Variants in HYDIN observed in about 807,000 individuals in gnomAD.
HYDIN encodes the protein axonemal central pair apparatus protein HYDIN.
Under a neutral mutation model 403.9 loss-of-function variants are expected in HYDIN, and 132 were observed. The observed-to-expected ratio is 0.33, with a 90% CI of 0.28 to 0.38. The LOEUF (loss-of-function observed/expected upper bound fraction) is 0.38, where lower values mean the gene tolerates loss of function less well. HYDIN is among the 10% of genes least tolerant of loss of function. The probability of loss-of-function intolerance (pLI) is 1.00; values close to 1 mark genes in which losing one functional copy is unlikely to be tolerated. For missense variants in HYDIN, 2,827 were observed against 5,009.5 expected, an observed-to-expected ratio of 0.56 and a Z score of 13.15; for synonymous variants, 1,202 against 1,891.7, an observed-to-expected ratio of 0.64 and a Z score of 9.46.
In HYDIN at chr16:71,087,024, A is replaced by G. The variant is rs1240883078; in HGVS notation, c.1670+1277T>C. On this transcript the variant is annotated intron_variant, in intron 12 of 85. Coordinates refer to ENST00000393567, the MANE Select transcript of HYDIN (RefSeq NM_001270974.2). Reference sequence around the variant, plus strand: ...GAGTCAATGTTATTCAAATATTTGGAAAACAACCCTCATTTTTCTCTTATA... The same window carrying G: ...GAGTCAATGTTATTCAAATATTTGGGAAACAACCCTCATTTTTCTCTTATA... 2.6e-5 allele frequency among the ~76,000 whole-genome samples: 4 copies of G among 151,350 alleles called. No individual in the cohort carries two copies. In the East Asian group the frequency reaches 5.8e-4, roughly 22 times the overall value.
intron 23 of HYDIN, among the ~76,000 whole-genome samples, chr16:71,004,052 C>T (rs772191497): frequency 2.7e-5 from 4 of 150,152 alleles, no homozygotes; most frequent in East Asian, 2.0e-4. Context: ...CGGTGACTCA[C>T]GCCTGTAATC....
At position 71,069,343 on chromosome 16, in the gene HYDIN, G is replaced by A. The variant is rs2082381053; in HGVS notation, c.1898C>T (p.Ser633Phe). Residue 633 changes from serine (S) to phenylalanine (F), a missense_variant, in exon 14 of 86, where the codon TCC (serine) becomes TTC (phenylalanine). Physicochemically the swap from Ser to Phe is radical, Grantham distance 155. Transcript: ENST00000393567. ...KRPSWTKEEISSMKPKEFTIS... is the reference protein window; with the variant it reads ...KRPSWTKEEIFSMKPKEFTIS... ...GGTGAATTCTTTTGGTTTCATTGAG[G>A]ATATTTCTTCCTTGGTCCAAGATGG... 1.2e-6 allele frequency: 2 copies of A among 1,614,022 alleles called. No individual in the cohort carries two copies. Among genetic ancestry groups the A allele is most frequent in the Non-Finnish European group, 1.7e-6 (2 of 1,179,992 alleles).
chr16:71,057,812 C>T lies in HYDIN; in HGVS notation c.2529+2692G>A, dbSNP rs200413715. 7.0e-4 allele frequency among the ~76,000 whole-genome samples: 95 copies of T among 136,282 alleles called. 1 individual carries two copies. In the East Asian group the frequency reaches 0.018, roughly 26 times the overall value. 89.4% of individuals were successfully genotyped at this position (136,282 alleles called of 152,430 possible). A position where few individuals can be genotyped will look rare whatever the true frequency, so the allele number is the denominator to read the frequency against. On this transcript the variant is annotated intron_variant, in intron 18 of 85. Coordinates refer to ENST00000393567, the MANE Select transcript of HYDIN (RefSeq NM_001270974.2). ...TGAACAGACACTTCTCAAAAGAAGA[C>T]ATTTATGCAGCCAAAAAACACATGA...
At chr16:71,127,769 G>T (rs1284645894) in intron 9 of HYDIN, among the ~76,000 whole-genome samples, 4 of 152,200 alleles carry the variant, frequency 2.6e-5, no homozygotes, top group Non-Finnish European at 5.9e-5. Flanking sequence ...TAGCACAACT[G>T]ATGGCTCTTC....
chr16:70,933,756 C>G (rs1260151925), intron 45 of HYDIN: 1 of 154,862 alleles, frequency 6.5e-6, no homozygotes, highest in Non-Finnish European at 1.5e-5. Flanking sequence ...TGGTTTAGCT[C>G]TTTTTCATGT....
At chr16:70,872,203 G>A in intron 64 of HYDIN, 24 bp from the exon 65 acceptor site, 1 of 1,199,134 alleles carries the variant, frequency 8.3e-7, no homozygotes, top group Non-Finnish European at 1.2e-6. Flanking sequence ...GCAGAAGGCT[G>A]TGAGTCCTCC....
chr16:70,841,939 T>C (rs1392504411), intron 75 of HYDIN, among the ~76,000 whole-genome samples: 2 of 150,184 alleles, frequency 1.3e-5, no homozygotes, highest in Non-Finnish European at 2.9e-5. Context: ...TGAAGACAGG[T>C]TCCAGTGGTT....
chr16:70,866,416 A>C, intron 66 of HYDIN, 87 bp from the exon 67 acceptor site: 1 of 1,040,784 alleles, frequency 9.6e-7, no homozygotes, highest in Non-Finnish European at 1.4e-6. Context: ...GACCAGAAAC[A>C]TTCTAGGCAT....
At chr16:71,188,399 C>A (rs925932621) in intron 1 of HYDIN, among the ~76,000 whole-genome samples, 2 of 152,162 alleles carry the variant, frequency 1.3e-5, no homozygotes, top group African/African-American at 4.8e-5. Context: ...GACATCCAAA[C>A]CAAATTTTGG....
intron 1 of HYDIN, among the ~76,000 whole-genome samples, chr16:71,215,585 T>C (rs2088835137): frequency 1.3e-5 from 2 of 149,738 alleles, no homozygotes; most frequent in South Asian, 4.2e-4. Flanking sequence ...AAAAAAATAC[T>C]AGCCAGGTGT....
In HYDIN at chr16:70,850,648, T is replaced by C. The variant is rs778831543; in HGVS notation, c.12451A>G (p.Ile4151Val). The C allele has an allele frequency of 7.6e-5, 123 of 1,613,616 alleles. No homozygotes were observed. The highest frequency in any genetic ancestry group is 9.6e-5 in the Non-Finnish European group (113 of 1,179,740). Reference protein sequence around the residue: ...GWIPPLSRFPIDIFFTPKQEG... With the variant: ...GWIPPLSRFPVDIFFTPKQEG... ...TGCTTTGGTGTGAAGAAAATATCAA[T>C]TGGGAACCTGGTTGGGGAACAAAAC... The change falls in exon 74 of 86, where the codon ATT becomes GTT. Residue 4151 changes from isoleucine (I) to valine (V), a missense_variant. Ile to Val is a conservative substitution (Grantham distance 29). Transcript: ENST00000393567.
intron 80 of HYDIN, 93 bp from the exon 81 acceptor site, chr16:70,829,923 C>T: frequency 1.8e-6 from 2 of 1,124,042 alleles, no homozygotes; most frequent in East Asian, 4.9e-5. Context: ...GGAAGACTGA[C>T]TTTGACAGTG....
intron 3 of HYDIN, among the ~76,000 whole-genome samples, chr16:71,180,632 A>AGAGAG (rs374315164): frequency 6.9e-6 from 1 of 144,640 alleles, no homozygotes. Flanking sequence ...AAAGAAAGAG[A>AGAGAG]AAAAAAATTT....
intron 23 of HYDIN, among the ~76,000 whole-genome samples, chr16:70,999,005 C>T (rs74024618): frequency 3.9e-5 from 6 of 152,164 alleles, no homozygotes; most frequent in African/African-American, 9.6e-5. Flanking sequence ...CATTATTATA[C>T]CACAGAATAC....
intron 53 of HYDIN, among the ~76,000 whole-genome samples, chr16:70,896,622 T>C (rs2076211185): frequency 6.6e-6 from 1 of 151,038 alleles, no homozygotes; most frequent in Non-Finnish European, 1.5e-5. Flanking sequence ...TCCAAAAGTG[T>C]TGGGGTTATA....
intron 3 of HYDIN, among the ~76,000 whole-genome samples, chr16:71,183,686 C>T (rs1340934434): frequency 6.6e-6 from 1 of 152,060 alleles, no homozygotes; most frequent in Non-Finnish European, 1.5e-5. Flanking sequence ...AAAGGCAAGA[C>T]ACAAATATTA....
At chr16:71,047,012 T>C in intron 18 of HYDIN, among the ~76,000 whole-genome samples, 1 of 151,998 alleles carries the variant, frequency 6.6e-6, no homozygotes, top group Non-Finnish European at 1.5e-5. Context: ...CCACAACAGA[T>C]CCATAAAAGG....
intron 85 of HYDIN, among the ~76,000 whole-genome samples, chr16:70,808,817 T>C (rs1005256048): frequency 3.9e-5 from 6 of 152,166 alleles, no homozygotes; most frequent in African/African-American, 1.4e-4. Context: ...TTTTGTTCCA[T>C]GGAATATTAG....
chr16:71,063,964 T>G (rs1374575858), intron 16 of HYDIN, among the ~76,000 whole-genome samples: 2 of 136,528 alleles, frequency 1.5e-5, no homozygotes, highest in Non-Finnish European at 3.3e-5. Flanking sequence ...AGCCTAAACT[T>G]GCCTTGGTTC....
Sources: allele counts gnomAD v4.1 joint callset (sites outside exome capture counted in the v4.1 genomes callset), GRCh38; gene constraint gnomAD v4.1.1; transcripts MANE v1.5; gene names NCBI Gene and HGNC (gene_info 2026-07-23, HGNC 2026-07-21).